GRID2: variants seen among roughly 807,000 people sequenced by gnomAD.
GRID2 encodes the protein glutamate ionotropic receptor delta type subunit 2, also known as glutamate receptor ionotropic, delta-2.
In GRID2, 33 loss-of-function variants were observed where a neutral mutation model predicts 114.8. The ratio of observed to expected loss-of-function variants is 0.29; its 90% CI spans 0.22 to 0.38. The LOEUF (loss-of-function observed/expected upper bound fraction) is 0.38. Among genes scored for constraint, GRID2 ranks in the 10% least tolerant of loss-of-function variants. GRID2 has a pLI of 1.00. For missense variants in GRID2, 1,184 were observed against 1,257.7 expected (o/e 0.94, Z 0.89); for synonymous variants, 505 against 449.9 (o/e 1.12, Z -1.55).
At chr4:92,336,238 C>T (rs1727157887) in intron 1 of GRID2, among the ~76,000 whole-genome samples, 1 of 152,078 alleles carries the variant, frequency 6.6e-6, no homozygotes, top group Non-Finnish European at 1.5e-5. Context: ...CTTTTCTAAC[C>T]CCTTTTTCAC....
intron 14 of GRID2, among the ~76,000 whole-genome samples, chr4:93,739,002 GA>G (rs773015119): frequency 1.1e-4 from 17 of 151,962 alleles, no homozygotes; most frequent in Non-Finnish European, 2.2e-4. Flanking sequence ...TCAGCTTGAA[GA>G]TATAGGATGG....
chr4:93,104,374 G>A (rs1460251903), intron 3 of GRID2, among the ~76,000 whole-genome samples: 11 of 152,052 alleles, frequency 7.2e-5, no homozygotes, highest in Admixed American at 7.2e-4. Context: ...AGTTACATAT[G>A]TATACACGTG....
At chr4:93,615,701 C>G (rs17356371) in intron 13 of GRID2, among the ~76,000 whole-genome samples, 11,820 of 147,368 alleles carry the variant, frequency 0.08, 566 homozygotes, top group Middle Eastern at 0.13. Flanking sequence ...GTTGTGGTGA[C>G]TTACTGTTTT....
rs1193298714 is a variant in GRID2 at position 92,829,384 on chromosome 4, AG to A, written c.244+239100del. Among the ~76,000 whole-genome samples the A allele has an allele frequency of 2.6e-5, 4 of 152,220 alleles. No homozygotes were observed. In the South Asian group the frequency reaches 8.3e-4, roughly 32 times the overall value. On this transcript the variant is annotated intron_variant, in intron 2 of 15. Coordinates refer to ENST00000282020, the MANE Select transcript of GRID2 (RefSeq NM_001510.4). ...GAGAAATGCAAATCAAAACCACAAC[AG>A]GATACCATCTCATGCCAGTTAGAAT...
chr4:92,898,975 CATT>C (rs1000713510), intron 2 of GRID2, among the ~76,000 whole-genome samples: 21 of 152,120 alleles, frequency 1.4e-4, no homozygotes, highest in South Asian at 2.1e-4. Context: ...CACAACATAA[CATT>C]ATAGCTGTAT....
chr4:93,255,263 A>G (rs867554965), intron 8 of GRID2, among the ~76,000 whole-genome samples: 19 of 152,244 alleles, frequency 1.2e-4, no homozygotes, highest in East Asian at 5.8e-4. Flanking sequence ...AAACATCTCT[A>G]TCTTACATAT....
At chr4:93,197,019 G>A (rs1451209013) in intron 4 of GRID2, among the ~76,000 whole-genome samples, 1 of 152,058 alleles carries the variant, frequency 6.6e-6, no homozygotes, top group East Asian at 1.9e-4. Context: ...TAAAGGAAAA[G>A]CACATTTTCT....
rs147371563 is a variant in GRID2 at position 93,270,159 on chromosome 4, G to A, written c.1245+31669G>A. ...AGAGATCAGCTATAAAATCATCATA[G>A]TAACTATACCAAAGCAGATAGGACT... is the stretch of plus-strand genomic sequence containing the variant. On this transcript the variant is annotated intron_variant, in intron 8 of 15. Coordinates refer to ENST00000282020, the MANE Select transcript of GRID2 (RefSeq NM_001510.4). 6.9e-3 allele frequency among the ~76,000 whole-genome samples: 1,039 copies of A among 150,844 alleles called. 14 individuals carry two copies. The highest frequency in any genetic ancestry group is 0.01 in the Middle Eastern group (3 of 292).
At chr4:92,592,500 TTTAA>T (rs2149212746) in intron 2 of GRID2, among the ~76,000 whole-genome samples, 1 of 152,270 alleles carries the variant, frequency 6.6e-6, no homozygotes, top group African/African-American at 2.4e-5. Context: ...CATTGCTCTC[TTTAA>T]TTATTCTGCT....
At position 92,652,901 on chromosome 4, in the gene GRID2, T is replaced by C. The variant is rs1464936126; in HGVS notation, c.244+62615T>C. Among the ~76,000 whole-genome samples the C allele has an allele frequency of 5.1e-5, 7 of 138,452 alleles. 1 individual carries two copies. The highest frequency in any genetic ancestry group is 1.1e-4 in the Non-Finnish European group (7 of 63,616). 90.8% of individuals were successfully genotyped at this position (138,452 alleles called of 152,430 possible). ...ATAAAAATATATTTATAAATACATA[T>C]AAATATATATTTATAAATACATATA... On this transcript the variant is annotated intron_variant, in intron 2 of 15. Coordinates refer to ENST00000282020, the MANE Select transcript of GRID2 (RefSeq NM_001510.4).
chr4:92,419,962 A>C (rs1731815826), intron 1 of GRID2, among the ~76,000 whole-genome samples: 1 of 152,096 alleles, frequency 6.6e-6, no homozygotes, highest in Non-Finnish European at 1.5e-5. Flanking sequence ...AATTTCATCA[A>C]AGTTTCTTAG....
chr4:92,599,441 A>G (rs1167762427), intron 2 of GRID2, among the ~76,000 whole-genome samples: 1 of 152,206 alleles, frequency 6.6e-6, no homozygotes. Flanking sequence ...TATATCTGAC[A>G]TGATTGTTTA....
At chr4:92,937,269 C>T (rs2149529400) in intron 2 of GRID2, among the ~76,000 whole-genome samples, 1 of 146,662 alleles carries the variant, frequency 6.8e-6, no homozygotes, top group Middle Eastern at 3.5e-3. Context: ...TTACCAAATC[C>T]AAGGTCATAG....
intron 2 of GRID2, among the ~76,000 whole-genome samples, chr4:92,782,719 G>A (rs1035710690): frequency 2.0e-5 from 3 of 152,012 alleles, no homozygotes; most frequent in Non-Finnish European, 4.4e-5. Flanking sequence ...AAGAGTGTGC[G>A]TAATACATGA....
At chr4:92,644,739 G>T (rs1731526405) in intron 2 of GRID2, among the ~76,000 whole-genome samples, 1 of 151,306 alleles carries the variant, frequency 6.6e-6, no homozygotes, top group African/African-American at 2.4e-5. Context: ...CTTTTTGTGA[G>T]GTCATCTTTA....
At chr4:93,091,505 C>T (rs543396534) in intron 3 of GRID2, among the ~76,000 whole-genome samples, 4 of 152,208 alleles carry the variant, frequency 2.6e-5, no homozygotes, top group Admixed American at 2.6e-4. Flanking sequence ...AGACAAATAT[C>T]ATTAACATCT....
chr4:93,213,934 A>G (rs998122490), intron 5 of GRID2, among the ~76,000 whole-genome samples: 1 of 152,136 alleles, frequency 6.6e-6, no homozygotes, highest in Non-Finnish European at 1.5e-5. Flanking sequence ...TAGGTAAATT[A>G]TTTTTGGGAA....
intron 8 of GRID2, among the ~76,000 whole-genome samples, chr4:93,301,458 T>C (rs941784044): frequency 2.6e-5 from 4 of 152,176 alleles, no homozygotes; most frequent in Admixed American, 2.0e-4. Context: ...CAACATATTA[T>C]GAATTAGTAA....
At chr4:92,414,610 T>G (rs1029379407) in intron 1 of GRID2, among the ~76,000 whole-genome samples, 1 of 152,082 alleles carries the variant, frequency 6.6e-6, no homozygotes, top group Non-Finnish European at 1.5e-5. Context: ...TCCTAGTAAA[T>G]GGTACAAAGG....
Sources: allele counts gnomAD v4.1 joint callset (sites outside exome capture counted in the v4.1 genomes callset), GRCh38; gene constraint gnomAD v4.1.1; transcripts MANE v1.5; gene names NCBI Gene and HGNC (gene_info 2026-07-23, HGNC 2026-07-21).